ACTR3: variants seen among roughly 807,000 people sequenced by gnomAD.
ACTR3 encodes actin-related protein 3.
Under a neutral mutation model 56.8 loss-of-function variants are expected in ACTR3, and 12 were observed. The ratio of observed to expected loss-of-function variants is 0.21; its 90% CI spans 0.14 to 0.34. The LOEUF (loss-of-function observed/expected upper bound fraction) is 0.34. ACTR3 is among the 10% of genes least tolerant of loss of function. The pLI is 1.00. For missense variants in ACTR3, 282 were observed against 512.5 expected, an observed-to-expected ratio of 0.55 and a Z score of 4.34; for synonymous variants, 162 against 167.4, an observed-to-expected ratio of 0.97 and a Z score of 0.25.
chr2:113,955,075 G>GAA (rs1041417479), intron 10 of ACTR3: 7 of 152,022 alleles, frequency 4.6e-5, no homozygotes, highest in African/African-American at 1.7e-4. Flanking sequence ...CTTAATCCTG[G>GAA]AATATGTATA....
At chr2:113,956,857 A>G (rs1474000161) in intron 11 of ACTR3, among the ~76,000 whole-genome samples, 1 of 152,210 alleles carries the variant, frequency 6.6e-6, no homozygotes, top group Non-Finnish European at 1.5e-5. Flanking sequence ...TGAGTTTGTG[A>G]CTTTGCCTTG....
At chr2:113,922,716 T>C (rs1398097386) in intron 3 of ACTR3, among the ~76,000 whole-genome samples, 1 of 152,222 alleles carries the variant, frequency 6.6e-6, no homozygotes, top group African/African-American at 2.4e-5. Flanking sequence ...TAGGGATATA[T>C]GCTGGGTTGG....
chr2:113,944,716 C>T (rs2104622340), intron 8 of ACTR3, among the ~76,000 whole-genome samples: 1 of 151,520 alleles, frequency 6.6e-6, no homozygotes, highest in African/African-American at 2.4e-5. Flanking sequence ...GAGCCGAGAT[C>T]ACGCCACTGC....
chr2:113,924,597 T>A (rs745828991), intron 3 of ACTR3, among the ~76,000 whole-genome samples: 2 of 152,154 alleles, frequency 1.3e-5, no homozygotes, highest in Admixed American at 6.5e-5. Flanking sequence ...AAAAGGAAAA[T>A]TTTTGAGAAT....
intron 8 of ACTR3, among the ~76,000 whole-genome samples, chr2:113,949,377 C>CAAA (rs1167037648): frequency 1.7e-5 from 1 of 57,698 alleles, no homozygotes; most frequent in Admixed American, 2.0e-4. Context: ...GACTCGGTCT[C>CAAA]AAAAAAAAAA....
At chr2:113,948,293 G>T (rs1297763600) in intron 8 of ACTR3, among the ~76,000 whole-genome samples, 1 of 152,142 alleles carries the variant, frequency 6.6e-6, no homozygotes, top group Non-Finnish European at 1.5e-5. Flanking sequence ...GGGACTACAG[G>T]TATGTGCCAC....
In ACTR3 at chr2:113,934,965, G is replaced by A. The variant is rs1210056540; in HGVS notation, c.540+579G>A. Among the ~76,000 whole-genome samples the A allele has an allele frequency of 3.3e-5, 5 of 151,804 alleles. No homozygotes were observed. In the South Asian group the frequency reaches 8.3e-4, roughly 25 times the overall value. On this transcript the variant is annotated intron_variant, in intron 6 of 11. Transcript: ENST00000263238. ...GTTTATTATTAAATGGGTATATAGA[G>A]AAAGGTTTATCTTTTAAAGTAATTT...
chr2:113,946,967 C>T (rs985159572), intron 8 of ACTR3, among the ~76,000 whole-genome samples: 1 of 152,028 alleles, frequency 6.6e-6, no homozygotes, highest in Admixed American at 6.5e-5. Flanking sequence ...TTTTTTGCCC[C>T]CTGATTCATC....
At chr2:113,945,990 C>A (rs1297183267) in intron 8 of ACTR3, among the ~76,000 whole-genome samples, 1 of 152,174 alleles carries the variant, frequency 6.6e-6, no homozygotes, top group Non-Finnish European at 1.5e-5. Context: ...TTTTTTATAG[C>A]TGCATAGTAT....
intron 1 of ACTR3, among the ~76,000 whole-genome samples, chr2:113,893,716 C>T (rs547602926): frequency 6.6e-6 from 1 of 152,234 alleles, no homozygotes; most frequent in Non-Finnish European, 1.5e-5. Context: ...TGTGAATTTC[C>T]TTTTCCCTTT....
At chr2:113,904,888 C>T (rs1207782709) in intron 1 of ACTR3, 1 of 151,936 alleles carries the variant, frequency 6.6e-6, no homozygotes, top group East Asian at 1.9e-4. Flanking sequence ...CTTTTGTTTC[C>T]TCCCTTCCTG....
intron 3 of ACTR3, among the ~76,000 whole-genome samples, chr2:113,918,209 G>A (rs1258528039): frequency 6.6e-6 from 1 of 152,088 alleles, no homozygotes; most frequent in African/African-American, 2.4e-5. Context: ...ATACCTAGAG[G>A]AATAATTTTT....
At chr2:113,927,103 G>GTTT (rs1159155501) in intron 3 of ACTR3, among the ~76,000 whole-genome samples, 1 of 152,112 alleles carries the variant, frequency 6.6e-6, no homozygotes, top group Non-Finnish European at 1.5e-5. Context: ...AGATTTAACA[G>GTTT]TTTTTAACAT....
At position 113,942,628 on chromosome 2, in the gene ACTR3, C is replaced by G. The variant is rs1679944701; in HGVS notation, c.858+269C>G. On this transcript the variant is annotated intron_variant, in intron 8 of 11. Transcript: ENST00000263238. ...GGGGGGTCATGAAAAGAGGAGAGCC[C>G]TTAAATTTTTTTTTTCTTCCCTCCA... Among the ~76,000 whole-genome samples, 3 of 151,756 alleles carry G rather than the reference C, an allele frequency of 2.0e-5. No individual in the cohort carries two copies. The South Asian group carries it at 6.2e-4, about 31-fold the overall frequency.
intron 8 of ACTR3, among the ~76,000 whole-genome samples, chr2:113,943,150 A>G (rs1169806133): frequency 1.3e-5 from 2 of 152,248 alleles, no homozygotes; most frequent in Admixed American, 6.5e-5. Context: ...GAGTGTATGT[A>G]TCTGCTGAGG....
chr2:113,938,857 T>C (rs1679874750), intron 6 of ACTR3, among the ~76,000 whole-genome samples: 1 of 152,148 alleles, frequency 6.6e-6, no homozygotes, highest in Non-Finnish European at 1.5e-5. Flanking sequence ...AAATTCTATA[T>C]CCCTAACTTA....
chr2:113,907,702 G>T (rs1004691899), intron 1 of ACTR3, among the ~76,000 whole-genome samples: 1 of 152,072 alleles, frequency 6.6e-6, no homozygotes, highest in Non-Finnish European at 1.5e-5. Context: ...GCCACGCACG[G>T]TGGCTCACAG....
At chr2:113,900,759 C>A (rs1446409671) in intron 1 of ACTR3, among the ~76,000 whole-genome samples, 1 of 152,148 alleles carries the variant, frequency 6.6e-6, no homozygotes, top group Non-Finnish European at 1.5e-5. Context: ...GTTCTCCCCA[C>A]TAGTGAAAAG....
chr2:113,891,573 T>TA (rs11441126), intron 1 of ACTR3, among the ~76,000 whole-genome samples: 26,362 of 151,532 alleles, frequency 0.17, 4,131 homozygotes, highest in African/African-American at 0.4. Context: ...CTCCCAGTTT[T>TA]TTTTTTTTGA....
Sources: gnomAD v4.1 joint callset for allele counts (sites outside exome capture counted in the v4.1 genomes callset) on GRCh38, gnomAD v4.1.1 for gene constraint, MANE v1.5 for transcripts, NCBI Gene and HGNC (gene_info 2026-07-23, HGNC 2026-07-21) for gene names.